Variants in COL11A1 observed in about 807,000 individuals in gnomAD.
COL11A1 encodes the protein collagen type XI alpha 1 chain.
In COL11A1, 74 loss-of-function variants were observed where a neutral mutation model predicts 265.2. The ratio of observed to expected loss-of-function variants is 0.28; its 90% CI spans 0.23 to 0.34. The LOEUF is 0.34. Among genes scored for constraint, COL11A1 ranks in the 10% least tolerant of loss-of-function variants. COL11A1 has a pLI of 1.00. For missense variants in COL11A1, 2,165 were observed against 2,263.6 expected (o/e 0.96, Z 0.88); for synonymous variants, 816 against 727.6 (o/e 1.12, Z -1.96).
intron 4 of COL11A1, among the ~76,000 whole-genome samples, chr1:103,053,333 A>T (rs895768734): frequency 9.9e-5 from 15 of 152,178 alleles, no homozygotes; most frequent in Non-Finnish European, 2.1e-4. Flanking sequence ...AAGTCCCAAA[A>T]TATGGGACTT....
At chr1:102,951,946 C>A (rs1461381301) in intron 41 of COL11A1, among the ~76,000 whole-genome samples, 1 of 151,760 alleles carries the variant, frequency 6.6e-6, no homozygotes. Flanking sequence ...TAAGCCATGG[C>A]TTTTACTTAT....
Position 102,889,515 on chromosome 1 carries a change from C to T in COL11A1, c.4404G>A (p.Gly1468=), listed in dbSNP as rs768590245. ...CAGGGAGCCCTCGGTCACCTTTTTC[C>T]CCTTGTTCTCCTGGAGGACCAATCA... ...IGLIGPPGEQ[G]EKGDRGLPGT... The change falls in exon 59 of 67, where the codon GGG becomes GGA. Residue 1468 remains glycine, a synonymous_variant. Transcript: ENST00000370096. 1 of 1,613,534 alleles carries T rather than the reference C, an allele frequency of 6.2e-7. No homozygotes were observed.
At chr1:103,102,625 T>C (rs1281542842) in intron 1 of COL11A1, among the ~76,000 whole-genome samples, 1 of 151,920 alleles carries the variant, frequency 6.6e-6, no homozygotes, top group Non-Finnish European at 1.5e-5. Flanking sequence ...TCTCCAAAAG[T>C]AAGGAGAAAA....
At chr1:102,928,915 G>A (rs1208696778) in intron 46 of COL11A1, among the ~76,000 whole-genome samples, 13 of 57,002 alleles carry the variant, frequency 2.3e-4, no homozygotes, top group Admixed American at 8.8e-4. Flanking sequence ...GTCTGTTCAT[G>A]TCCTTTGCCC....
In COL11A1 at chr1:103,026,086, T is replaced by A. The variant is rs1233625188; in HGVS notation, c.897+130A>T. ...CAAAACGGCTACTGTCAAATAAAAA[T>A]CACAGTTATTGGTTCAGAGAAATAA... On this transcript the variant is annotated intron_variant, in intron 6 of 66. Coordinates refer to ENST00000370096, the MANE Select transcript of COL11A1 (RefSeq NM_001854.4). The A allele has an allele frequency of 3.3e-6, 4 of 1,210,796 alleles. No homozygotes were observed. In the East Asian group the frequency reaches 9.3e-5, roughly 28 times the overall value. The allele number at this position is 1,210,796 out of a possible 1,614,324, so 75.0% of individuals were successfully genotyped here.
At chr1:103,070,363 A>G (rs773510825) in intron 4 of COL11A1, among the ~76,000 whole-genome samples, 5 of 151,692 alleles carry the variant, frequency 3.3e-5, no homozygotes, top group Non-Finnish European at 7.4e-5. Context: ...CTAAAGATTG[A>G]AAAGTTGTTT....
intron 4 of COL11A1, among the ~76,000 whole-genome samples, chr1:103,043,405 T>C (rs962810938): frequency 6.6e-6 from 1 of 151,830 alleles, no homozygotes; most frequent in African/African-American, 2.4e-5. Flanking sequence ...ACTTAACCAG[T>C]CAATCTATTT....
At chr1:102,976,054 T>C (rs1201535723) in intron 35 of COL11A1, among the ~76,000 whole-genome samples, 1 of 152,086 alleles carries the variant, frequency 6.6e-6, no homozygotes, top group African/African-American at 2.4e-5. Flanking sequence ...GACACTATGA[T>C]TCCTAAATAA....
At chr1:102,957,203 G>C (rs185586850) in intron 41 of COL11A1, among the ~76,000 whole-genome samples, 16 of 152,086 alleles carry the variant, frequency 1.1e-4, no homozygotes, top group Non-Finnish European at 2.2e-4. Flanking sequence ...TAAATAAAGA[G>C]AATAGATGCT....
chr1:102,970,191 T>C lies in COL11A1; in HGVS notation c.2862+28A>G, dbSNP rs1423858121. ...CTGATGAGGTGCTAGAGATGGAAAT[T>C]TTTAATAAGAGTAACAAGGTCACTT... On this transcript the variant is annotated intron_variant, in intron 37 of 66. Transcript: ENST00000370096. The C allele has an allele frequency of 2.5e-6, 4 of 1,605,772 alleles. No individual in the cohort carries two copies. In the Admixed American group the frequency reaches 5.0e-5, roughly 20 times the overall value.
chr1:102,963,978 C>G (rs1199891985), intron 38 of COL11A1, among the ~76,000 whole-genome samples: 1 of 152,014 alleles, frequency 6.6e-6, no homozygotes, highest in Non-Finnish European at 1.5e-5. Flanking sequence ...GAAAGTATGG[C>G]TACATTTAAA....
chr1:102,920,290 G>A (rs1271096111), intron 49 of COL11A1, 21 bp downstream of exon 49: 1 of 1,608,798 alleles, frequency 6.2e-7, no homozygotes, highest in Admixed American at 1.7e-5. Flanking sequence ...GTTTCAAACT[G>A]TGTGTCACTA....
In COL11A1 at chr1:103,083,983, G is replaced by A. The variant is rs1403153440; in HGVS notation, c.107-1011C>T. Among the ~76,000 whole-genome samples the A allele has an allele frequency of 3.3e-5, 5 of 152,100 alleles. No homozygotes were observed. The East Asian group carries it at 9.6e-4, about 29-fold the overall frequency. ...TTCCCTTTGTAAGTGTGACCCATTT[G>A]TATAAACAGCTTTATCGGGTTATAA... On this transcript the variant is annotated intron_variant, in intron 1 of 66. Coordinates refer to ENST00000370096, the MANE Select transcript of COL11A1 (RefSeq NM_001854.4).
At chr1:103,083,055 G>T in intron 1 of COL11A1, 83 bp from the exon 2 acceptor site, 1 of 1,316,894 alleles carries the variant, frequency 7.6e-7, no homozygotes, top group Non-Finnish European at 1.1e-6. Flanking sequence ...AGGATAGTAT[G>T]TCATTTCATA....
At chr1:102,969,693 G>T (rs984668644) in intron 37 of COL11A1, among the ~76,000 whole-genome samples, 2 of 152,220 alleles carry the variant, frequency 1.3e-5, no homozygotes, top group South Asian at 2.1e-4. Flanking sequence ...GACCGTTTTT[G>T]ATTTACTTTT....
chr1:103,045,809 C>T (rs1423764723), intron 4 of COL11A1, among the ~76,000 whole-genome samples: 1 of 150,480 alleles, frequency 6.6e-6, no homozygotes, highest in African/African-American at 2.5e-5. Flanking sequence ...TGACGTTCCC[C>T]TTCCTGTGTC....
chr1:103,023,309 T>C (rs969896140), intron 7 of COL11A1, among the ~76,000 whole-genome samples: 7 of 152,124 alleles, frequency 4.6e-5, no homozygotes, highest in Admixed American at 4.6e-4. Context: ...TACTTCACAG[T>C]TTAAGATTTG....
intron 53 of COL11A1, 148 bp downstream of exon 53, chr1:102,913,489 G>A (rs1022677323): frequency 6.0e-6 from 4 of 671,818 alleles, no homozygotes; most frequent in South Asian, 3.6e-5. Context: ...GATTTTTAAT[G>A]GGAATTCAAA....
At chr1:102,911,321 G>A (rs1408691750) in intron 54 of COL11A1, among the ~76,000 whole-genome samples, 1 of 152,098 alleles carries the variant, frequency 6.6e-6, no homozygotes, top group African/African-American at 2.4e-5. Context: ...CACATTCTAT[G>A]TTTAATGTGA....
Sources: gnomAD v4.1 joint callset for allele counts (sites outside exome capture counted in the v4.1 genomes callset) on GRCh38, gnomAD v4.1.1 for gene constraint, MANE v1.5 for transcripts, NCBI Gene and HGNC (gene_info 2026-07-23, HGNC 2026-07-21) for gene names.